PRKCQ: variants seen among roughly 807,000 people sequenced by gnomAD.
The protein encoded by PRKCQ is protein kinase C theta type.
A neutral mutation model predicts 91.2 loss-of-function variants in PRKCQ; 41 were observed. The ratio of observed to expected loss-of-function variants is 0.45; its 90% CI spans 0.35 to 0.58. The LOEUF (loss-of-function observed/expected upper bound fraction) is 0.58, where lower values mean the gene tolerates loss of function less well. PRKCQ is among the 20% of genes least tolerant of loss of function. PRKCQ has a pLI of 0.00. For synonymous variants in PRKCQ, 307 were observed against 316.9 expected (o/e 0.97, Z 0.33); for missense variants, 673 against 896.5 (o/e 0.75, Z 3.18).
chr10:6,533,925 A>C (rs2130904533), intron 1 of PRKCQ, among the ~76,000 whole-genome samples: 1 of 152,342 alleles, frequency 6.6e-6, no homozygotes, highest in Non-Finnish European at 1.5e-5. Flanking sequence ...GGTAACATAG[A>C]TCAATAATTA....
intron 1 of PRKCQ, chr10:6,515,555 T>C: frequency 1.0e-6 from 1 of 967,212 alleles, no homozygotes; most frequent in Non-Finnish European, 1.2e-6. Context: ...GAGTCTATTT[T>C]AGTCACACTA....
intron 11 of PRKCQ, among the ~76,000 whole-genome samples, chr10:6,480,331 C>G (rs777909803): frequency 7.2e-5 from 11 of 152,210 alleles, no homozygotes; most frequent in Non-Finnish European, 1.6e-4. Flanking sequence ...CAAAGAATAA[C>G]TTGCTCAGAT....
chr10:6,395,163 A>G, the PRKCQ span, among the ~76,000 whole-genome samples: 1 of 145,350 alleles, frequency 6.9e-6, no homozygotes, highest in Non-Finnish European at 1.5e-5. Context: ...TCCCGGGTTC[A>G]CGCCATTCTC....
At chr10:6,561,712 T>C (rs1191521050) in intron 1 of PRKCQ, among the ~76,000 whole-genome samples, 1 of 152,212 alleles carries the variant, frequency 6.6e-6, no homozygotes, top group Non-Finnish European at 1.5e-5. Context: ...CTCAAGAATG[T>C]TAATCTGGCC....
At position 6,528,391 on chromosome 10, in the gene PRKCQ, G is replaced by T. The variant is rs143769878; in HGVS notation, c.-9-13247C>A. Reference sequence around the variant, plus strand: ...TGCACTATCCTTGGCCATGTCATAGGCTGGGGTGGGGTGGGGGCGCATCCT... The same window carrying T: ...TGCACTATCCTTGGCCATGTCATAGTCTGGGGTGGGGTGGGGGCGCATCCT... On this transcript the variant is annotated intron_variant, in intron 1 of 17. Coordinates refer to ENST00000263125, the MANE Select transcript of PRKCQ (RefSeq NM_006257.5). 2.7e-4 allele frequency among the ~76,000 whole-genome samples: 41 copies of T among 152,230 alleles called. No homozygotes were observed. In the East Asian group the frequency reaches 5.8e-3, roughly 21 times the overall value.
At chr10:6,429,419 G>A (rs772462375) in intron 17 of PRKCQ, among the ~76,000 whole-genome samples, 16 of 152,180 alleles carry the variant, frequency 1.1e-4, no homozygotes, top group Non-Finnish European at 2.1e-4. Context: ...TGGGTCCTTG[G>A]AACATCACTG....
intron 15 of PRKCQ, among the ~76,000 whole-genome samples, chr10:6,453,207 G>T (rs1306483575): frequency 6.6e-6 from 1 of 151,658 alleles, no homozygotes; most frequent in African/African-American, 2.4e-5. Context: ...AATCTACAAT[G>T]AACTCAAACA....
At chr10:6,574,409 C>G (rs1841151616) in intron 1 of PRKCQ, among the ~76,000 whole-genome samples, 1 of 152,220 alleles carries the variant, frequency 6.6e-6, no homozygotes, top group African/African-American at 2.4e-5. Flanking sequence ...ACGGGACAGT[C>G]TGCCCAGGAC....
the PRKCQ span, among the ~76,000 whole-genome samples, chr10:6,412,975 C>T: frequency 2.8e-3 from 425 of 152,020 alleles, 3 homozygotes; most frequent in African/African-American, 9.8e-3. Context: ...TTTTTTGAGA[C>T]AGAGTCTCAC....
At chr10:6,482,842 T>C (rs973236658) in intron 11 of PRKCQ, among the ~76,000 whole-genome samples, 1 of 151,730 alleles carries the variant, frequency 6.6e-6, no homozygotes, top group Non-Finnish European at 1.5e-5. Context: ...TATAAAATCA[T>C]CAGATCTCAT....
At chr10:6,551,874 T>C (rs1840198772) in intron 1 of PRKCQ, among the ~76,000 whole-genome samples, 1 of 152,252 alleles carries the variant, frequency 6.6e-6, no homozygotes, top group Non-Finnish European at 1.5e-5. Flanking sequence ...GCTCTGTTTT[T>C]AGCTCTTTGA....
At chr10:6,522,217 C>G (rs944370852) in intron 1 of PRKCQ, among the ~76,000 whole-genome samples, 1 of 152,182 alleles carries the variant, frequency 6.6e-6, no homozygotes, top group African/African-American at 2.4e-5. Flanking sequence ...GCCGGGATTA[C>G]AAGAGTGAGC....
chr10:6,461,112 C>T (rs1446894896), intron 14 of PRKCQ, among the ~76,000 whole-genome samples: 1 of 150,730 alleles, frequency 6.6e-6, no homozygotes, highest in East Asian at 1.9e-4. Flanking sequence ...TCCATCCATC[C>T]ATCCATCCAT....
chr10:6,453,066 G>A (rs1381953242), intron 15 of PRKCQ, among the ~76,000 whole-genome samples: 4 of 151,660 alleles, frequency 2.6e-5, no homozygotes, highest in East Asian at 3.9e-4. Flanking sequence ...AGCCAAAATT[G>A]ACAAATGGGA....
At chr10:6,482,980 C>A (rs1836692901) in intron 11 of PRKCQ, among the ~76,000 whole-genome samples, 1 of 152,054 alleles carries the variant, frequency 6.6e-6, no homozygotes. Flanking sequence ...GGTGGGGACA[C>A]AGAGCCGAGC....
chr10:6,483,723 T>C (rs1836743779), intron 10 of PRKCQ, 123 bp from the exon 11 acceptor site: 1 of 1,142,440 alleles, frequency 8.8e-7, no homozygotes, highest in African/African-American at 1.6e-5. Flanking sequence ...ATTGGGGGTG[T>C]TTAGAGGGTT....
At chr10:6,396,900 G>A in the PRKCQ span, among the ~76,000 whole-genome samples, 2 of 152,272 alleles carry the variant, frequency 1.3e-5, no homozygotes, top group East Asian at 3.9e-4. Flanking sequence ...ATTCCCAGCA[G>A]CACTGTATGT....
At chr10:6,448,056 G>C (rs932793905) in intron 15 of PRKCQ, among the ~76,000 whole-genome samples, 2 of 152,214 alleles carry the variant, frequency 1.3e-5, no homozygotes, top group African/African-American at 2.4e-5. Context: ...AGGTGGAGTA[G>C]GGGGAAGCTG....
intron 1 of PRKCQ, among the ~76,000 whole-genome samples, chr10:6,542,149 G>C (rs548522804): frequency 1.6e-4 from 24 of 152,306 alleles, no homozygotes; most frequent in African/African-American, 5.5e-4. Flanking sequence ...CTCAATGAAG[G>C]ACAGAGTAAA....
Sources: allele counts gnomAD v4.1 joint callset (sites outside exome capture counted in the v4.1 genomes callset), GRCh38; gene constraint gnomAD v4.1.1; transcripts MANE v1.5; gene names NCBI Gene and HGNC (gene_info 2026-07-23, HGNC 2026-07-21).